Variants in BAZ1B observed in about 807,000 individuals in gnomAD.
BAZ1B encodes the protein bromodomain adjacent to zinc finger domain 1B, also known as tyrosine-protein kinase BAZ1B.
BAZ1B carries 22 observed loss-of-function variants against 153.8 expected under a neutral mutation model. That is an observed-to-expected ratio of 0.14 (90% CI 0.10 to 0.20). BAZ1B has a LOEUF of 0.20. Ranked by LOEUF, BAZ1B falls within the 10% of genes least tolerant of loss-of-function variation. The probability of loss-of-function intolerance (pLI) is 1.00; values close to 1 mark genes in which losing one functional copy is unlikely to be tolerated. For missense variants in BAZ1B, 1,325 were observed against 1,799.3 expected, an observed-to-expected ratio of 0.74 and a Z score of 4.77; for synonymous variants, 676 against 633.4, an observed-to-expected ratio of 1.07 and a Z score of -1.01.
intron 3 of BAZ1B, among the ~76,000 whole-genome samples, chr7:73,499,671 C>T (rs182593021): frequency 4.2e-4 from 64 of 152,362 alleles, no homozygotes; most frequent in Non-Finnish European, 4.1e-4. Flanking sequence ...CACCACACTC[C>T]GGCCTAGGTG....
chr7:73,485,234 T>C (rs1308134256), intron 6 of BAZ1B, among the ~76,000 whole-genome samples: 1 of 152,032 alleles, frequency 6.6e-6, no homozygotes, highest in East Asian at 1.9e-4. Flanking sequence ...CAAATATCAA[T>C]GTTTTTAAGA....
rs1248735539 is a variant in BAZ1B, at chr7:73,440,974, C to T, written c.*735G>A. 6.6e-6 allele frequency: 1 copy of T among 152,620 alleles called. No homozygotes were observed. Among genetic ancestry groups the T allele is most frequent in the African/African-American group, 2.4e-5 (1 of 41,458 alleles). 9.5% of individuals were successfully genotyped at this position (152,620 alleles called of 1,614,324 possible). On this transcript the variant is annotated 3_prime_UTR_variant, in exon 20 of 20. Coordinates refer to ENST00000339594, the MANE Select transcript of BAZ1B (RefSeq NM_032408.4). ...GCTAGATTTGTTGTGGGGGAAGGGGCTCTCAGAGCTTCTCTGCCGCTCTCT... is the reference window on the plus strand; with the variant it reads ...GCTAGATTTGTTGTGGGGGAAGGGGTTCTCAGAGCTTCTCTGCCGCTCTCT...
chr7:73,470,251 G>A (rs1045956212), intron 8 of BAZ1B, 94 bp downstream of exon 8: 1 of 1,298,338 alleles, frequency 7.7e-7, no homozygotes, highest in African/African-American at 1.5e-5. Context: ...ACTGAAGAGA[G>A]AAGCTTGTCT....
chr7:73,479,407 G>A lies in BAZ1B; in HGVS notation c.892-838C>T, dbSNP rs1415786742. Among the ~76,000 whole-genome samples the A allele has an allele frequency of 2.6e-5, 4 of 151,380 alleles. No homozygotes were observed. The East Asian group carries it at 7.8e-4, about 30-fold the overall frequency. On this transcript the variant is annotated intron_variant, in intron 6 of 19. Coordinates refer to ENST00000339594, the MANE Select transcript of BAZ1B (RefSeq NM_032408.4). ...GCCTGTCACCCCAGCTACTCGGGAG[G>A]CTGAGGCTCGAAATTGCTTGAACCC... is the stretch of plus-strand genomic sequence containing the variant.
In BAZ1B at chr7:73,510,839, G is replaced by A. The variant is rs1554578464; in HGVS notation, c.121C>T (p.Arg41Cys). The change falls in exon 2 of 20, where the codon CGC becomes TGC. Residue 41 changes from arginine (R) to cysteine (C), a missense_variant. Coordinates refer to ENST00000339594, the MANE Select transcript of BAZ1B (RefSeq NM_032408.4). Reference protein sequence around the residue: ...AFRTREEYEARLERYSERIWT... With the variant: ...AFRTREEYEACLERYSERIWT... ...ATGCGCTCACTGTACCTTTCCAAGCGGGCTTCATACTCTCTGTTGGCAGTA... is the reference window on the plus strand; with the variant it reads ...ATGCGCTCACTGTACCTTTCCAAGCAGGCTTCATACTCTCTGTTGGCAGTA... 1.9e-6 allele frequency: 3 copies of A among 1,614,008 alleles called. No individual in the cohort carries two copies. Among genetic ancestry groups the A allele is most frequent in the Non-Finnish European group, 2.5e-6 (3 of 1,179,974 alleles).
chr7:73,479,484 G>A (rs1234807439), intron 6 of BAZ1B, among the ~76,000 whole-genome samples: 1 of 145,762 alleles, frequency 6.9e-6, no homozygotes, highest in African/African-American at 2.6e-5. Context: ...CTCCAGCCTG[G>A]AGGACAGAGC....
chr7:73,476,842 C>T (rs372279910), intron 7 of BAZ1B, 26 bp downstream of exon 7: 15 of 1,569,992 alleles, frequency 9.6e-6, no homozygotes, highest in African/African-American at 2.8e-5. Context: ...CAGAGCTTCC[C>T]CTTTTCTCTC....
chr7:73,512,391 T>C (rs948603329), intron 1 of BAZ1B, among the ~76,000 whole-genome samples: 6 of 152,204 alleles, frequency 3.9e-5, no homozygotes, highest in South Asian at 4.1e-4. Flanking sequence ...GGCCAAAAGA[T>C]TGGCTACCCT....
At chr7:73,454,163 T>TAAATAAATAAAA (rs1453218336) in intron 13 of BAZ1B, among the ~76,000 whole-genome samples, 3 of 150,882 alleles carry the variant, frequency 2.0e-5, no homozygotes, top group Non-Finnish European at 4.4e-5. Context: ...AATAAATAAA[T>TAAATAAATAAAA]AAAAATTTAA....
At chr7:73,468,814 C>T (rs1362965245) in intron 9 of BAZ1B, among the ~76,000 whole-genome samples, 1 of 152,064 alleles carries the variant, frequency 6.6e-6, no homozygotes, top group Admixed American at 6.6e-5. Flanking sequence ...AGCATAAACA[C>T]TGAATAAATT....
chr7:73,442,148 T>TC, intron 19 of BAZ1B, 33 bp downstream of exon 19: 1 of 208,524 alleles, frequency 4.8e-6, no homozygotes, highest in Non-Finnish European at 9.4e-6. Flanking sequence ...CCTCCCACCC[T>TC]CCCTAGCTGT....
chr7:73,521,717 C>A (rs1791053886), intron 1 of BAZ1B, 110 bp downstream of exon 1: 1 of 901,886 alleles, frequency 1.1e-6, no homozygotes, highest in Non-Finnish European at 1.5e-6. Context: ...CCGGGGCGCG[C>A]TGACAGCTGC....
At chr7:73,486,591 G>T (rs1554574518) in intron 6 of BAZ1B, among the ~76,000 whole-genome samples, 1 of 152,174 alleles carries the variant, frequency 6.6e-6, no homozygotes, top group African/African-American at 2.4e-5. Flanking sequence ...CTCCCAAAGT[G>T]CTAGGATTAC....
intron 12 of BAZ1B, among the ~76,000 whole-genome samples, chr7:73,461,138 G>A (rs953576152): frequency 2.6e-5 from 4 of 151,972 alleles, no homozygotes; most frequent in Non-Finnish European, 4.4e-5. Flanking sequence ...ACCATACCCA[G>A]CTAATTTTTG....
chr7:73,505,626 A>G (rs1182215341), intron 3 of BAZ1B, among the ~76,000 whole-genome samples: 1 of 144,628 alleles, frequency 6.9e-6, no homozygotes, highest in African/African-American at 2.6e-5. Flanking sequence ...ATTTGTCCTG[A>G]GAGGGAAAAA....
Position 73,440,975 on chromosome 7 carries a change from T to A in BAZ1B, c.*734A>T, listed in dbSNP as rs1583877591. 3.3e-5 allele frequency: 5 copies of A among 152,718 alleles called. 1 individual carries two copies. In the South Asian group the frequency reaches 1.0e-3, roughly 32 times the overall value. 9.5% of individuals were successfully genotyped at this position (152,718 alleles called of 1,614,324 possible). A position where few individuals can be genotyped will look rare whatever the true frequency, so the allele number is the denominator to read the frequency against. On this transcript the variant is annotated 3_prime_UTR_variant, in exon 20 of 20. Coordinates refer to ENST00000339594, the MANE Select transcript of BAZ1B (RefSeq NM_032408.4). ...CTAGATTTGTTGTGGGGGAAGGGGC[T>A]CTCAGAGCTTCTCTGCCGCTCTCTC... is the stretch of plus-strand genomic sequence containing the variant.
At chr7:73,520,885 T>C (rs1791007687) in intron 1 of BAZ1B, among the ~76,000 whole-genome samples, 1 of 152,174 alleles carries the variant, frequency 6.6e-6, no homozygotes, top group Non-Finnish European at 1.5e-5. Context: ...ACCAAAGAAA[T>C]GCTTGATTCC....
chr7:73,507,645 C>T (rs1790397936), intron 3 of BAZ1B, among the ~76,000 whole-genome samples: 1 of 152,158 alleles, frequency 6.6e-6, no homozygotes, highest in African/African-American at 2.4e-5. Flanking sequence ...CAGACCAGTA[C>T]AACAAAGTGT....
intron 3 of BAZ1B, among the ~76,000 whole-genome samples, chr7:73,502,213 AAAC>A (rs1366674412): frequency 6.6e-6 from 1 of 152,036 alleles, no homozygotes; most frequent in African/African-American, 2.4e-5. Flanking sequence ...AAACACACAG[AAAC>A]AACTGTGGAT....
Sources: gnomAD v4.1 joint callset for allele counts (sites outside exome capture counted in the v4.1 genomes callset) on GRCh38, gnomAD v4.1.1 for gene constraint, MANE v1.5 for transcripts, NCBI Gene and HGNC (gene_info 2026-07-23, HGNC 2026-07-21) for gene names.